PMP22: variants seen among roughly 807,000 people sequenced by gnomAD.
The protein encoded by PMP22 is peripheral myelin protein 22, also known as Charcot-Marie-Tooth neuropathy 1A (greatly reduced nerve conduction velocity, hereditary motor sensory neuropathy Ia).
Under a neutral mutation model 18.9 loss-of-function variants are expected in PMP22, and 2 were observed. The ratio of observed to expected loss-of-function variants is 0.11; its 90% CI spans 0.04 to 0.33. The LOEUF is 0.33. PMP22 is among the 10% of genes least tolerant of loss of function. The probability of loss-of-function intolerance (pLI) is 1.00; values close to 1 mark genes in which losing one functional copy is unlikely to be tolerated. For missense variants in PMP22, 169 were observed against 202.2 expected, an observed-to-expected ratio of 0.84 and a Z score of 1.00; for synonymous variants, 95 against 89.2, an observed-to-expected ratio of 1.07 and a Z score of -0.37.
chr17:15,262,409 C>A (rs1044559134), intron 1 of PMP22: 4 of 152,362 alleles, frequency 2.6e-5, no homozygotes, highest in African/African-American at 4.8e-5. Context: ...CTCCTTCACT[C>A]TCCCCACCAA....
intron 1 of PMP22, 42 bp from the exon 2 acceptor site, chr17:15,260,803 C>T (rs1287941000): frequency 1.5e-6 from 2 of 1,330,760 alleles, no homozygotes; most frequent in Non-Finnish European, 2.1e-6. Flanking sequence ...CGCACTGGGC[C>T]GAGCGACGGA....
intron 3 of PMP22, among the ~76,000 whole-genome samples, chr17:15,245,786 C>CACGAGG (rs763365514): frequency 2.0e-4 from 30 of 151,722 alleles, no homozygotes; most frequent in Admixed American, 1.4e-3. Context: ...GAGGGCAGAT[C>CACGAGG]ACGAGGTCAG....
At chr17:15,242,275 A>G (rs917833616) in intron 3 of PMP22, among the ~76,000 whole-genome samples, 12 of 146,316 alleles carry the variant, frequency 8.2e-5, no homozygotes, top group Admixed American at 5.5e-4. Context: ...AAAAAAAAAA[A>G]GAGAGACATT....
chr17:15,240,178 C>T (rs1221263742), intron 3 of PMP22, among the ~76,000 whole-genome samples: 4 of 152,194 alleles, frequency 2.6e-5, no homozygotes, highest in South Asian at 4.1e-4. Context: ...ACTACCTTCC[C>T]TCTTCTTGCC....
chr17:15,263,564 G>T (rs1038411305), intron 1 of PMP22, among the ~76,000 whole-genome samples: 2 of 132,000 alleles, frequency 1.5e-5, no homozygotes, highest in African/African-American at 6.5e-5. Context: ...TGAAAATGCA[G>T]CAGTTCACGC....
intron 3 of PMP22, among the ~76,000 whole-genome samples, chr17:15,255,307 T>A (rs949650033): frequency 2.0e-5 from 3 of 152,194 alleles, no homozygotes; most frequent in African/African-American, 7.2e-5. Context: ...AATGACTATA[T>A]TTCTCAGCCT....
At chr17:15,237,054 A>T (rs1906877616) in intron 4 of PMP22, among the ~76,000 whole-genome samples, 2 of 152,240 alleles carry the variant, frequency 1.3e-5, no homozygotes, top group Non-Finnish European at 2.9e-5. Flanking sequence ...AGCTAGATGT[A>T]AAGGGGATAA....
At position 15,233,652 on chromosome 17, in the gene PMP22, G is replaced by A. The variant is rs559969017; in HGVS notation, c.320-2572C>T. Among the ~76,000 whole-genome samples the A allele has an allele frequency of 1.5e-4, 23 of 152,322 alleles. 1 individual carries two copies. The South Asian group carries it at 4.3e-3, about 29-fold the overall frequency. On this transcript the variant is annotated intron_variant, in intron 4 of 4. Coordinates refer to ENST00000312280, the MANE Select transcript of PMP22 (RefSeq NM_000304.4). ...AACATTTAATGAGTGCCTATTGCATGCGGGCCCTGTTCTAGCTGCTGCTCT... is the reference window on the plus strand; with the variant it reads ...AACATTTAATGAGTGCCTATTGCATACGGGCCCTGTTCTAGCTGCTGCTCT...
chr17:15,264,210 A>ATAGG (rs148785223), intron 1 of PMP22, among the ~76,000 whole-genome samples: 68,061 of 149,920 alleles, frequency 0.45, 15,513 homozygotes, highest in African/African-American at 0.47. Flanking sequence ...TGTAACTCTG[A>ATAGG]TAGGTAGGTA....
chr17:15,231,366 G>A (rs547010962), intron 4 of PMP22, among the ~76,000 whole-genome samples: 2 of 152,154 alleles, frequency 1.3e-5, no homozygotes, highest in South Asian at 2.1e-4. Flanking sequence ...CAATTCCCAG[G>A]CCACACTACA....
At chr17:15,242,231 C>CA (rs1907393000) in intron 3 of PMP22, among the ~76,000 whole-genome samples, 1 of 117,652 alleles carries the variant, frequency 8.5e-6, no homozygotes. Context: ...CCAGCCTGGG[C>CA]ACAGAGAGAG....
At chr17:15,257,319 G>A (rs1908923514) in intron 3 of PMP22, among the ~76,000 whole-genome samples, 1 of 152,212 alleles carries the variant, frequency 6.6e-6, no homozygotes, top group Non-Finnish European at 1.5e-5. Flanking sequence ...CCTGCAGATG[G>A]TTTAAGCACA....
At chr17:15,246,386 G>T (rs1385276926) in intron 3 of PMP22, among the ~76,000 whole-genome samples, 3 of 152,180 alleles carry the variant, frequency 2.0e-5, no homozygotes, top group African/African-American at 7.2e-5. Flanking sequence ...AAGCAGGTTG[G>T]ATTCGACATG....
In PMP22 at chr17:15,261,871, C is replaced by T. The variant is rs1272659740; in HGVS notation, c.-34-1110G>A. On this transcript the variant is annotated intron_variant, in intron 1 of 4. Transcript: ENST00000312280. The surrounding 1 kb of genome is among the most constrained non-coding windows in gnomAD (Gnocchi z 5.2). ...AAGATCTGGCTGAGACTCTGGGGAC[C>T]ATTTTAGGCAGAGTCTTGGGCCAGG... The T allele has an allele frequency of 6.6e-6, 1 of 152,212 alleles. No homozygotes were observed. The highest frequency in any genetic ancestry group is 6.5e-5 in the Admixed American group (1 of 15,280). 9.4% of individuals were successfully genotyped at this position (152,212 alleles called of 1,614,324 possible).
chr17:15,249,861 T>A (rs230911), intron 3 of PMP22, among the ~76,000 whole-genome samples: 56,944 of 152,116 alleles, frequency 0.37, 11,542 homozygotes, highest in Non-Finnish European at 0.45. Context: ...ACATCAGGCA[T>A]GAATGAAGGC....
intron 3 of PMP22, 39 bp downstream of exon 3, chr17:15,259,055 G>A (rs372168526): frequency 5.4e-5 from 77 of 1,415,456 alleles, no homozygotes; most frequent in African/African-American, 3.2e-4. Context: ...TGTTACAGGC[G>A]TCTGAGGACA....
At chr17:15,243,489 A>G (rs1907525945) in intron 3 of PMP22, among the ~76,000 whole-genome samples, 2 of 151,880 alleles carry the variant, frequency 1.3e-5, no homozygotes, top group Non-Finnish European at 2.9e-5. Context: ...AACAGCAACT[A>G]AAAACCAAAA....
intron 1 of PMP22, chr17:15,262,472 C>T (rs1438742076): frequency 6.6e-6 from 1 of 152,284 alleles, no homozygotes; most frequent in Non-Finnish European, 1.5e-5. Context: ...TGGCCTCAAA[C>T]ACAAACTCGG....
intron 4 of PMP22, chr17:15,235,379 A>C (rs550797071): frequency 2.8e-6 from 2 of 711,394 alleles, no homozygotes; most frequent in African/African-American, 1.8e-5. Context: ...GCTGGGTGTA[A>C]GCAGTAAAAT....
Sources: gnomAD v4.1 joint callset for allele counts (sites outside exome capture counted in the v4.1 genomes callset) on GRCh38, gnomAD v4.1.1 for gene constraint, Gnocchi (gnomAD v3.1) non-coding constraint, MANE v1.5 for transcripts, NCBI Gene and HGNC (gene_info 2026-07-23, HGNC 2026-07-21) for gene names.